The following PLCL1 variants were observed in gnomAD, a reference collection of about 807,000 sequenced individuals.
PLCL1 encodes the protein inactive phospholipase C-like protein 1.
Under a neutral mutation model 84.4 loss-of-function variants are expected in PLCL1, and 41 were observed. That is an observed-to-expected ratio of 0.49 (90% CI 0.38 to 0.63). PLCL1 has a LOEUF of 0.63. PLCL1 is among the 30% of genes least tolerant of loss of function. The probability of loss-of-function intolerance (pLI) is 0.00; values close to 1 mark genes in which losing one functional copy is unlikely to be tolerated. For synonymous variants in PLCL1, 490 were observed against 488.3 expected, an observed-to-expected ratio of 1.00 and a Z score of -0.05; for missense variants, 1,206 against 1,367.8, an observed-to-expected ratio of 0.88 and a Z score of 1.87.
intron 1 of PLCL1, among the ~76,000 whole-genome samples, chr2:198,083,422 C>T (rs934767237): frequency 1.3e-5 from 2 of 152,102 alleles, no homozygotes; most frequent in South Asian, 2.1e-4. Context: ...ATTTCTTTTA[C>T]GTATCTATTG....
intron 1 of PLCL1, among the ~76,000 whole-genome samples, chr2:198,011,530 C>G (rs1403233494): frequency 6.6e-6 from 1 of 152,000 alleles, no homozygotes; most frequent in Non-Finnish European, 1.5e-5. Context: ...TGTGGCCTAA[C>G]ATGTGGTCTA....
chr2:197,957,154 C>T (rs1689512116), intron 1 of PLCL1, among the ~76,000 whole-genome samples: 3 of 151,944 alleles, frequency 2.0e-5, no homozygotes. Context: ...ACATTTTTTT[C>T]CAACTCACTT....
chr2:197,901,020 A>G (rs1025786668), intron 1 of PLCL1, among the ~76,000 whole-genome samples: 1 of 152,188 alleles, frequency 6.6e-6, no homozygotes, highest in Non-Finnish European at 1.5e-5. Flanking sequence ...GGAAACAGAA[A>G]AATGGATTAG....
chr2:197,894,212 T>A (rs889511057), intron 1 of PLCL1, among the ~76,000 whole-genome samples: 3 of 151,994 alleles, frequency 2.0e-5, no homozygotes, highest in African/African-American at 7.2e-5. Context: ...AATATTTAGC[T>A]TTGTCAACCT....
chr2:197,874,499 A>G (rs1687701941), intron 1 of PLCL1, among the ~76,000 whole-genome samples: 2 of 152,132 alleles, frequency 1.3e-5, no homozygotes, highest in Non-Finnish European at 2.9e-5. Context: ...CTGACAGAAA[A>G]TTAAATTATC....
intron 1 of PLCL1, among the ~76,000 whole-genome samples, chr2:197,926,874 G>A (rs1377322022): frequency 6.6e-6 from 1 of 152,078 alleles, no homozygotes; most frequent in Non-Finnish European, 1.5e-5. Context: ...TTGACAGCTG[G>A]GGCAGGGATT....
At chr2:197,885,551 C>T (rs1186497999) in intron 1 of PLCL1, among the ~76,000 whole-genome samples, 1 of 152,170 alleles carries the variant, frequency 6.6e-6, no homozygotes, top group African/African-American at 2.4e-5. Flanking sequence ...TCCGGAAACC[C>T]TCACAAACAC....
In PLCL1 at chr2:197,893,671, C is replaced by CACCCTCTGTATTTTAG. The variant is rs1163470309; in HGVS notation, c.240+88333_240+88334insCCCTCTGTATTTTAGA. Among the ~76,000 whole-genome samples, 146 of 152,204 alleles carry CACCCTCTGTATTTTAG rather than the reference C, an allele frequency of 9.6e-4. 1 individual carries two copies. The highest frequency in any genetic ancestry group is 1.4e-3 in the Non-Finnish European group (93 of 68,000). ...TCTGGAGTCCGGTGTGTTTTCATCT[C>CACCCTCTGTATTTTAG]AGCATGCAAATTTAAACCCAAAGAA... On this transcript the variant is annotated intron_variant, in intron 1 of 5. Transcript: ENST00000428675.
chr2:197,914,607 A>G (rs1364839838), intron 1 of PLCL1, among the ~76,000 whole-genome samples: 1 of 152,136 alleles, frequency 6.6e-6, no homozygotes, highest in Non-Finnish European at 1.5e-5. Flanking sequence ...GGGATTACAG[A>G]TGTGAGCCAT....
intron 5 of PLCL1, among the ~76,000 whole-genome samples, chr2:198,113,116 A>G (rs1693661402): frequency 6.6e-6 from 1 of 151,898 alleles, no homozygotes; most frequent in Non-Finnish European, 1.5e-5. Context: ...GGTATCTGAA[A>G]AGATACTCCT....
At chr2:197,958,492 C>T (rs935861549) in intron 1 of PLCL1, among the ~76,000 whole-genome samples, 10 of 152,032 alleles carry the variant, frequency 6.6e-5, no homozygotes, top group Non-Finnish European at 5.9e-5. Flanking sequence ...TTGCTCCAAA[C>T]TAAACTATAC....
intron 1 of PLCL1, among the ~76,000 whole-genome samples, chr2:197,916,757 T>A (rs190333357): frequency 1.8e-4 from 28 of 151,916 alleles, no homozygotes; most frequent in Admixed American, 3.9e-4. Context: ...AGCAAAATGA[T>A]GTAGGCTAAA....
chr2:197,890,374 C>T lies in PLCL1; in HGVS notation c.240+85035C>T, dbSNP rs374108829. ...ACCCATTTCCTACTTTCTTCTTCTC[C>T]CTCTTAGCAGCAACACCAACCTTTG... On this transcript the variant is annotated intron_variant, in intron 1 of 5. Transcript: ENST00000428675. Among the ~76,000 whole-genome samples the T allele has an allele frequency of 2.0e-3, 308 of 152,154 alleles. 2 individuals carry two copies. The highest frequency in any genetic ancestry group is 7.1e-3 in the African/African-American group (296 of 41,486).
chr2:198,131,402 C>T (rs770358465), intron 5 of PLCL1, among the ~76,000 whole-genome samples: 5 of 152,304 alleles, frequency 3.3e-5, no homozygotes, highest in Non-Finnish European at 7.4e-5. Flanking sequence ...GCTTTTTTAT[C>T]TTTCACGAGA....
intron 1 of PLCL1, among the ~76,000 whole-genome samples, chr2:198,018,187 G>T (rs1691045620): frequency 6.6e-6 from 1 of 152,204 alleles, no homozygotes; most frequent in African/African-American, 2.4e-5. Context: ...ATGAGGGACA[G>T]TGCTATCAGG....
At chr2:198,049,714 CTT>C (rs959378417) in intron 1 of PLCL1, among the ~76,000 whole-genome samples, 4 of 152,158 alleles carry the variant, frequency 2.6e-5, no homozygotes, top group African/African-American at 7.2e-5. Context: ...CTTCATGTCT[CTT>C]GAGTGAAACT....
chr2:197,897,618 T>G (rs1187261339), intron 1 of PLCL1, among the ~76,000 whole-genome samples: 1 of 152,230 alleles, frequency 6.6e-6, no homozygotes, highest in Non-Finnish European at 1.5e-5. Context: ...ATAAGATATT[T>G]ATTTGTTAAT....
At chr2:197,826,094 C>T (rs1690922642) in intron 1 of PLCL1, among the ~76,000 whole-genome samples, 2 of 152,212 alleles carry the variant, frequency 1.3e-5, no homozygotes, top group South Asian at 4.1e-4. Flanking sequence ...TTCACTGAGC[C>T]TCACAACAGC....
intron 1 of PLCL1, among the ~76,000 whole-genome samples, chr2:197,819,469 G>A (rs1205704885): frequency 1.3e-5 from 2 of 152,194 alleles, no homozygotes; most frequent in African/African-American, 4.8e-5. Context: ...AAACAGAGAG[G>A]ATCTGAGAAT....
Sources: allele counts gnomAD v4.1 joint callset (sites outside exome capture counted in the v4.1 genomes callset), GRCh38; gene constraint gnomAD v4.1.1; transcripts MANE v1.5; gene names NCBI Gene and HGNC (gene_info 2026-07-23, HGNC 2026-07-21).